The following ASIC2 variants were observed in gnomAD, a reference collection of about 807,000 sequenced individuals.
ASIC2 encodes acid-sensing ion channel 2.
ASIC2 carries 25 observed loss-of-function variants against 57.3 expected under a neutral mutation model. That is an observed-to-expected ratio of 0.44 (90% CI 0.32 to 0.61). ASIC2 has a LOEUF of 0.61. Among genes scored for constraint, ASIC2 ranks in the 20% least tolerant of loss-of-function variants. The pLI is 0.06. For missense variants in ASIC2, 641 were observed against 738.1 expected (o/e 0.87, Z 1.52); for synonymous variants, 319 against 307.5 (o/e 1.04, Z -0.39).
intron 1 of ASIC2, among the ~76,000 whole-genome samples, chr17:33,196,113 C>T (rs752698886): frequency 6.6e-6 from 1 of 152,176 alleles, no homozygotes; most frequent in Non-Finnish European, 1.5e-5. Flanking sequence ...AGTGAGCCCT[C>T]AGTGAAAGGT....
intron 1 of ASIC2, among the ~76,000 whole-genome samples, chr17:33,820,407 G>A (rs924326227): frequency 2.0e-5 from 3 of 152,134 alleles, no homozygotes; most frequent in Admixed American, 6.5e-5. Context: ...GATTACATTG[G>A]TTACATGTTG....
intron 1 of ASIC2, among the ~76,000 whole-genome samples, chr17:34,142,569 A>C (rs117609242): frequency 1.3e-5 from 2 of 152,328 alleles, no homozygotes; most frequent in East Asian, 3.9e-4. Flanking sequence ...TATAATCATT[A>C]GGTCATTCAG....
chr17:33,539,814 G>A (rs1381335996), intron 1 of ASIC2, among the ~76,000 whole-genome samples: 3 of 152,178 alleles, frequency 2.0e-5, no homozygotes, highest in African/African-American at 7.2e-5. Context: ...AATTACATGG[G>A]AGAGTGCAGG....
At chr17:33,043,944 A>T (rs1455748766) in intron 3 of ASIC2, among the ~76,000 whole-genome samples, 1 of 152,222 alleles carries the variant, frequency 6.6e-6, no homozygotes, top group Non-Finnish European at 1.5e-5. Context: ...TAAAAAGTGA[A>T]CTACCCATGG....
At position 33,782,962 on chromosome 17, in the gene ASIC2, C is replaced by G. The variant is rs559245846; in HGVS notation, c.555+373016G>C. Among the ~76,000 whole-genome samples the G allele has an allele frequency of 2.0e-5, 3 of 152,304 alleles. No individual in the cohort carries two copies. In the East Asian group the frequency reaches 5.8e-4, roughly 29 times the overall value. On this transcript the variant is annotated intron_variant, in intron 1 of 9. Transcript: ENST00000359872. ...AAACTTCCTCGCCTCAGAATTTTTG[C>G]ACCTGCTGTTCTCTCTGCCTGGAAG...
At chr17:33,945,270 T>C (rs914230936) in intron 1 of ASIC2, among the ~76,000 whole-genome samples, 1 of 152,018 alleles carries the variant, frequency 6.6e-6, no homozygotes, top group African/African-American at 2.4e-5. Context: ...GGGTAACACA[T>C]TCACAACCTC....
At chr17:33,542,078 G>T (rs1366185845) in intron 1 of ASIC2, among the ~76,000 whole-genome samples, 2 of 152,176 alleles carry the variant, frequency 1.3e-5, no homozygotes, top group African/African-American at 4.8e-5. Flanking sequence ...TTAAATACTT[G>T]ACTCCTTTGG....
chr17:34,025,411 A>T lies in ASIC2; in HGVS notation c.555+130567T>A, dbSNP rs145557983. Among the ~76,000 whole-genome samples, 422 of 152,292 alleles carry T rather than the reference A, an allele frequency of 2.8e-3. 3 individuals carry two copies. Among genetic ancestry groups the T allele is most frequent in the African/African-American group, 9.8e-3 (408 of 41,544 alleles). The stretch of plus-strand genomic sequence containing the variant: ...CACCCCCTCGTGGAGTGGACTGCTC[A>T]GTGTACACACTTGTTACCCTGAGTG... On this transcript the variant is annotated intron_variant, in intron 1 of 9. Coordinates refer to the ASIC2 transcript ENST00000359872.
intron 1 of ASIC2, among the ~76,000 whole-genome samples, chr17:33,356,805 G>A (rs558752932): frequency 3.9e-5 from 6 of 152,090 alleles, no homozygotes; most frequent in South Asian, 2.1e-4. Flanking sequence ...CTGCAATCAC[G>A]GGCTTGATGC....
intron 1 of ASIC2, among the ~76,000 whole-genome samples, chr17:33,148,737 T>C (rs1409754183): frequency 6.6e-6 from 1 of 152,200 alleles, no homozygotes; most frequent in East Asian, 1.9e-4. Flanking sequence ...TATTTTTTAA[T>C]TATAAAAGTC....
intron 7 of ASIC2, among the ~76,000 whole-genome samples, chr17:33,019,032 C>T (rs1465704787): frequency 1.3e-5 from 2 of 152,190 alleles, no homozygotes; most frequent in African/African-American, 2.4e-5. Flanking sequence ...TGGCCTCAAA[C>T]TGGCTCTCCC....
At chr17:33,193,038 G>C (rs1328565349) in intron 1 of ASIC2, among the ~76,000 whole-genome samples, 1 of 152,148 alleles carries the variant, frequency 6.6e-6, no homozygotes, top group Admixed American at 6.5e-5. Flanking sequence ...TGTTCACCCT[G>C]GGTTTCGGGG....
At chr17:34,143,710 T>G (rs1392933290) in intron 1 of ASIC2, among the ~76,000 whole-genome samples, 1 of 152,176 alleles carries the variant, frequency 6.6e-6, no homozygotes, top group Non-Finnish European at 1.5e-5. Flanking sequence ...AACTTGTGAA[T>G]GAAACTTTGC....
chr17:33,974,689 CT>C (rs1429576957), intron 1 of ASIC2, among the ~76,000 whole-genome samples: 1 of 151,922 alleles, frequency 6.6e-6, no homozygotes, highest in African/African-American at 2.4e-5. Context: ...TTCCTCCATC[CT>C]AGATACTCAG....
chr17:33,844,595 G>C (rs556856833), intron 1 of ASIC2, among the ~76,000 whole-genome samples: 1 of 152,340 alleles, frequency 6.6e-6, no homozygotes, highest in East Asian at 1.9e-4. Context: ...AAACAGAGAT[G>C]ATAGTCATCT....
chr17:33,468,683 AC>A (rs1171001492), intron 1 of ASIC2, among the ~76,000 whole-genome samples: 1 of 148,252 alleles, frequency 6.7e-6, no homozygotes, highest in Non-Finnish European at 1.5e-5. Context: ...CCCCCACCCC[AC>A]CCCCCACACA....
chr17:33,291,377 A>G (rs185077500), intron 1 of ASIC2, 31 bp downstream of exon 1: 847 of 1,570,292 alleles, frequency 5.4e-4, no homozygotes, highest in Non-Finnish European at 6.8e-4. Context: ...TGGGGCGCAG[A>G]GGGAGCGGGT....
chr17:33,578,001 AT>A (rs144938575), intron 1 of ASIC2, among the ~76,000 whole-genome samples: 2,854 of 151,928 alleles, frequency 0.019, 84 homozygotes, highest in African/African-American at 0.064. Flanking sequence ...TCCAATCTCC[AT>A]TTACAGGTTT....
intron 1 of ASIC2, among the ~76,000 whole-genome samples, chr17:33,495,546 T>C (rs1368777077): frequency 2.6e-5 from 4 of 152,196 alleles, no homozygotes; most frequent in Admixed American, 6.5e-5. Context: ...GGAACTCAGA[T>C]TGATCTTGCG....
Sources: allele counts gnomAD v4.1 joint callset (sites outside exome capture counted in the v4.1 genomes callset), GRCh38; gene constraint gnomAD v4.1.1; transcripts MANE v1.5; gene names NCBI Gene and HGNC (gene_info 2026-07-23, HGNC 2026-07-21).